The following WWOX variants were observed in gnomAD, a reference collection of about 807,000 sequenced individuals.
WWOX encodes WW domain containing oxidoreductase, also known as WW domain-containing oxidoreductase.
A neutral mutation model predicts 46.2 loss-of-function variants in WWOX; 69 were observed. That is an observed-to-expected ratio of 1.49 (90% confidence interval 1.23 to 1.82). The LOEUF (loss-of-function observed/expected upper bound fraction) is 1.82. Among genes scored for constraint, WWOX ranks in the 40% most tolerant of loss-of-function variants. The pLI is 0.00. For missense variants in WWOX, 919 were observed against 542.6 expected, an observed-to-expected ratio of 1.69 and a Z score of -6.89; for synonymous variants, 359 against 202.6, an observed-to-expected ratio of 1.77 and a Z score of -6.56.
At chr16:78,707,460 G>C (rs2048349347) in intron 8 of WWOX, among the ~76,000 whole-genome samples, 1 of 152,134 alleles carries the variant, frequency 6.6e-6, no homozygotes, top group African/African-American at 2.4e-5. Context: ...GGGCTAGTTG[G>C]TATAGCTTCC....
chr16:78,975,219 A>T (rs943580331), intron 8 of WWOX, among the ~76,000 whole-genome samples: 1 of 152,180 alleles, frequency 6.6e-6, no homozygotes, highest in African/African-American at 2.4e-5. Context: ...ATCTGGTTCA[A>T]GGGTTCTCAG....
At chr16:78,355,696 G>T (rs1273448090) in intron 5 of WWOX, 1 of 736,646 alleles carries the variant, frequency 1.4e-6, no homozygotes, top group Non-Finnish European at 2.3e-6. Context: ...TGGGAGACGT[G>T]GAAGAAACTG....
At chr16:79,105,095 G>A (rs540702552) in intron 8 of WWOX, among the ~76,000 whole-genome samples, 14 of 152,258 alleles carry the variant, frequency 9.2e-5, no homozygotes, top group South Asian at 8.3e-4. Context: ...GCACAGGGAC[G>A]CAGCCCCTCA....
intron 8 of WWOX, among the ~76,000 whole-genome samples, chr16:78,791,325 C>G (rs2550594): frequency 0.71 from 108,552 of 151,958 alleles, 39,305 homozygotes; most frequent in Middle Eastern, 0.81. Flanking sequence ...GATCTGGACT[C>G]AACGGCAGTC....
chr16:78,835,668 C>G (rs1341946606), intron 8 of WWOX, among the ~76,000 whole-genome samples: 1 of 152,214 alleles, frequency 6.6e-6, no homozygotes, highest in Non-Finnish European at 1.5e-5. Context: ...TGCCTAAGAA[C>G]ACACAGCAGT....
chr16:78,136,880 G>T (rs965371294), intron 4 of WWOX, among the ~76,000 whole-genome samples: 1 of 152,124 alleles, frequency 6.6e-6, no homozygotes, highest in Non-Finnish European at 1.5e-5. Context: ...ACAGGGTAAT[G>T]GGTCAGTGCT....
Position 79,144,088 on chromosome 16 carries a change from G to A in WWOX, c.1057-67520G>A, listed in dbSNP as rs575749192. The stretch of plus-strand genomic sequence containing the variant: ...AAGTTTATTATTTTTTGGTAGAGAT[G>A]GAGTATTGCTATGTTGCCCAGGCTT... On this transcript the variant is annotated intron_variant, in intron 8 of 8. Coordinates refer to ENST00000566780, the MANE Select transcript of WWOX (RefSeq NM_016373.4). Among the ~76,000 whole-genome samples, 213 of 152,226 alleles carry A rather than the reference G, an allele frequency of 1.4e-3. 1 individual carries two copies. Among genetic ancestry groups the A allele is most frequent in the Middle Eastern group, 0.014 (4 of 294 alleles).
chr16:78,893,364 G>T (rs1377593943), intron 8 of WWOX, among the ~76,000 whole-genome samples: 1 of 152,056 alleles, frequency 6.6e-6, no homozygotes, highest in Non-Finnish European at 1.5e-5. Flanking sequence ...AATCCAAGAG[G>T]CTGTCATACC....
intron 8 of WWOX, among the ~76,000 whole-genome samples, chr16:78,956,251 T>C (rs1465761263): frequency 6.6e-6 from 1 of 152,142 alleles, no homozygotes; most frequent in African/African-American, 2.4e-5. Context: ...GCTCAAGCAA[T>C]TCTGCTGCCT....
chr16:78,420,651 A>ATT (rs1555535929), intron 6 of WWOX, among the ~76,000 whole-genome samples: 10 of 139,138 alleles, frequency 7.2e-5, no homozygotes, highest in Non-Finnish European at 9.2e-5. Context: ...GTGATTGCTA[A>ATT]TTTTTTTTTT....
rs374644172 is a variant in WWOX, at chr16:78,164,193, C to G, written c.420C>G (p.Thr140=). The G allele has an allele frequency of 1.2e-6, 2 of 1,613,932 alleles. No homozygotes were observed. The highest frequency in any genetic ancestry group is 1.7e-6 in the Non-Finnish European group (2 of 1,180,000). Residue 140 remains threonine, a synonymous_variant, in exon 5 of 9, where the codon ACC becomes ACG. Transcript: ENST00000566780. ...TGANSGIGFE[T]AKSFALHGAH... is the part of the protein sequence containing the mutation. ...TCCTTTAAACCATAGGGTTCGAAAC[C>G]GCCAAGTCTTTTGCCCTCCATGGTG...
rs555847713 is a variant in WWOX, at chr16:78,610,448, C to T, written c.1056+177696C>T. Among the ~76,000 whole-genome samples the T allele has an allele frequency of 2.6e-5, 4 of 152,174 alleles. No individual in the cohort carries two copies. The South Asian group carries it at 8.3e-4, about 32-fold the overall frequency. ...CAAATCTGTCTTTGAACGAGGAGCT[C>T]AATTCTTATTTAAAAGATAAAAGGT... On this transcript the variant is annotated intron_variant, in intron 8 of 8. Transcript: ENST00000566780.
At chr16:78,949,554 A>G (rs1182944573) in intron 8 of WWOX, among the ~76,000 whole-genome samples, 1 of 152,146 alleles carries the variant, frequency 6.6e-6, no homozygotes, top group Non-Finnish European at 1.5e-5. Context: ...CTTTTGACCA[A>G]CCCCAACACA....
chr16:78,119,651 A>G lies in WWOX; in HGVS notation c.409+4497A>G, dbSNP rs1296400832. Among the ~76,000 whole-genome samples the G allele has an allele frequency of 2.0e-5, 3 of 149,304 alleles. No homozygotes were observed. The East Asian group carries it at 5.9e-4, about 29-fold the overall frequency. On this transcript the variant is annotated intron_variant, in intron 4 of 8. Coordinates refer to ENST00000566780, the MANE Select transcript of WWOX (RefSeq NM_016373.4). ...TTTTTTTTTTTTTTTAATGTTTGAG[A>G]TGGGGTCTCACTGTGTTGCTCAGGT...
At chr16:78,371,186 T>C (rs78101655) in intron 5 of WWOX, among the ~76,000 whole-genome samples, 2 of 152,280 alleles carry the variant, frequency 1.3e-5, no homozygotes, top group East Asian at 3.9e-4. Flanking sequence ...ATGAATGTCA[T>C]TGTTTTGCAA....
At chr16:79,108,374 C>G (rs2049350937) in intron 8 of WWOX, among the ~76,000 whole-genome samples, 1 of 152,232 alleles carries the variant, frequency 6.6e-6, no homozygotes, top group Non-Finnish European at 1.5e-5. Flanking sequence ...AACCACACAT[C>G]CATGCATTTT....
chr16:78,255,218 C>A (rs1273403510), intron 5 of WWOX, among the ~76,000 whole-genome samples: 1 of 152,208 alleles, frequency 6.6e-6, no homozygotes, highest in Non-Finnish European at 1.5e-5. Context: ...CCCCTGCTGT[C>A]CTTCTAGTCA....
At chr16:78,907,462 G>T (rs2044996043) in intron 8 of WWOX, among the ~76,000 whole-genome samples, 1 of 152,118 alleles carries the variant, frequency 6.6e-6, no homozygotes, top group African/African-American at 2.4e-5. Flanking sequence ...CTAACTTGGT[G>T]GTCTTTTGCT....
intron 8 of WWOX, among the ~76,000 whole-genome samples, chr16:78,951,819 C>G (rs2046066193): frequency 6.6e-6 from 1 of 152,086 alleles, no homozygotes; most frequent in South Asian, 2.1e-4. Context: ...AAGGTCTGAG[C>G]AGAGTAAGAG....
Sources: allele counts gnomAD v4.1 joint callset (sites outside exome capture counted in the v4.1 genomes callset), GRCh38; gene constraint gnomAD v4.1.1; transcripts MANE v1.5; gene names NCBI Gene and HGNC (gene_info 2026-07-23, HGNC 2026-07-21).